IGFL2: variants seen among roughly 807,000 people sequenced by gnomAD.
The protein encoded by IGFL2 is insulin growth factor-like family member 2.
Under a neutral mutation model 13.9 loss-of-function variants are expected in IGFL2, and 7 were observed. The ratio of observed to expected loss-of-function variants is 0.51; its 90% CI spans 0.29 to 0.95. The LOEUF (loss-of-function observed/expected upper bound fraction) is 0.95, where lower values mean the gene tolerates loss of function less well. IGFL2 is among the 40% of genes least tolerant of loss of function. IGFL2 has a pLI of 0.08. For synonymous variants in IGFL2, 55 were observed against 55.8 expected, an observed-to-expected ratio of 0.99 and a Z score of 0.07; for missense variants, 138 against 147.8, an observed-to-expected ratio of 0.93 and a Z score of 0.34.
chr19:46,123,121 A>AT, the IGFL2 span, among the ~76,000 whole-genome samples: 2 of 150,970 alleles, frequency 1.3e-5, no homozygotes, highest in East Asian at 2.0e-4. Flanking sequence ...AGCTACAGGA[A>AT]TTTTTTAATA....
chr19:46,177,387 C>CTATTAA, the IGFL2 span, among the ~76,000 whole-genome samples: 1 of 151,910 alleles, frequency 6.6e-6, no homozygotes, highest in African/African-American at 2.4e-5. Flanking sequence ...AGTGAGACTC[C>CTATTAA]GTCTCAAAAC....
upstream of IGFL2, among the ~76,000 whole-genome samples, chr19:46,147,286 CAGAT>C (rs1973187367): frequency 2.0e-5 from 3 of 152,158 alleles, no homozygotes; most frequent in Admixed American, 1.3e-4. Flanking sequence ...CAAAGTACCT[CAGAT>C]AGGCTGAGGC....
At chr19:46,182,117 C>T in the IGFL2 span, among the ~76,000 whole-genome samples, 1 of 151,844 alleles carries the variant, frequency 6.6e-6, no homozygotes, top group African/African-American at 2.4e-5. Flanking sequence ...ACCTGTAATC[C>T]CAACACTTTG....
the IGFL2 span, chr19:46,207,264 G>T: frequency 6.6e-6 from 1 of 152,124 alleles, no homozygotes; most frequent in Non-Finnish European, 1.5e-5. Flanking sequence ...CCTCGCCATT[G>T]CCACTTTTCT....
chr19:46,115,738 C>G, the IGFL2 span, among the ~76,000 whole-genome samples: 1 of 152,156 alleles, frequency 6.6e-6, no homozygotes, highest in African/African-American at 2.4e-5. Flanking sequence ...CTGCTCTTGA[C>G]ATGGAAAGTT....
At chr19:46,210,657 A>C in the IGFL2 span, among the ~76,000 whole-genome samples, 1 of 152,254 alleles carries the variant, frequency 6.6e-6, no homozygotes, top group East Asian at 1.9e-4. Context: ...TAGCCTTTTC[A>C]CGTTTTTCTT....
At chr19:46,093,962 A>G in the IGFL2 span, among the ~76,000 whole-genome samples, 2 of 152,050 alleles carry the variant, frequency 1.3e-5, no homozygotes, top group African/African-American at 4.8e-5. Flanking sequence ...ATGGACTGGA[A>G]GACTCATTGT....
the IGFL2 span, among the ~76,000 whole-genome samples, chr19:46,109,173 C>T: frequency 4.6e-5 from 7 of 151,932 alleles, no homozygotes; most frequent in African/African-American, 1.5e-4. Flanking sequence ...TGGGCTGAGC[C>T]CAAAAAGAGA....
chr19:46,205,443 A>G, the IGFL2 span, among the ~76,000 whole-genome samples: 1 of 152,194 alleles, frequency 6.6e-6, no homozygotes, highest in African/African-American at 2.4e-5. Context: ...CATTTGCATA[A>G]TAAGATTAGG....
chr19:46,183,249 C>A, the IGFL2 span, among the ~76,000 whole-genome samples: 2 of 152,120 alleles, frequency 1.3e-5, no homozygotes, highest in African/African-American at 4.8e-5. Flanking sequence ...CATGAAGGAA[C>A]CACCCCCATC....
the IGFL2 span, among the ~76,000 whole-genome samples, chr19:46,188,609 C>T: frequency 3.3e-5 from 5 of 152,160 alleles, no homozygotes; most frequent in Non-Finnish European, 5.9e-5. Flanking sequence ...TAGTGTTCCC[C>T]GTGGGTTCTG....
At chr19:46,164,892 T>C (rs1331972249), downstream of IGFL2, among the ~76,000 whole-genome samples, 8 of 152,234 alleles carry the variant, frequency 5.3e-5, no homozygotes, top group Non-Finnish European at 1.5e-5. Flanking sequence ...GGTCCAGGCT[T>C]ATCAAATACT....
the IGFL2 span, among the ~76,000 whole-genome samples, chr19:46,205,984 A>G: frequency 1.3e-5 from 2 of 152,178 alleles, no homozygotes; most frequent in Non-Finnish European, 1.5e-5. Flanking sequence ...GAAGCTGACA[A>G]TATCCAAAAA....
the IGFL2 span, among the ~76,000 whole-genome samples, chr19:46,101,849 G>T: frequency 6.6e-6 from 1 of 152,300 alleles, no homozygotes; most frequent in South Asian, 2.1e-4. Flanking sequence ...TTCACAGGTT[G>T]CACATCCATG....
chr19:46,123,880 C>G, the IGFL2 span: 1 of 1,606,624 alleles, frequency 6.2e-7, no homozygotes, highest in Non-Finnish European at 8.5e-7. Flanking sequence ...AGGTAGGGAC[C>G]TTTACCTGGT....
intron 1 of IGFL2, 101 bp from the exon 2 acceptor site, chr19:46,160,314 A>G (rs1034042621): frequency 3.8e-5 from 38 of 990,968 alleles, no homozygotes; most frequent in Non-Finnish European, 6.0e-5. Flanking sequence ...TTTAGAGCTA[A>G]TCTGGAACTA....
the IGFL2 span, among the ~76,000 whole-genome samples, chr19:46,200,489 C>CTTTTCTTTTCTT: frequency 6.7e-6 from 1 of 148,368 alleles, no homozygotes; most frequent in African/African-American, 2.5e-5. Flanking sequence ...CTTTTCTTTT[C>CTTTTCTTTTCTT]TTTTCTTTTC....
At chr19:46,152,477 T>A (rs1042129130) in intron 1 of IGFL2, among the ~76,000 whole-genome samples, 1 of 152,030 alleles carries the variant, frequency 6.6e-6, no homozygotes, top group Non-Finnish European at 1.5e-5. Context: ...ACAGATGGGG[T>A]CTCGCTATGT....
At chr19:46,158,678 C>G (rs1973960864) in intron 1 of IGFL2, among the ~76,000 whole-genome samples, 1 of 152,126 alleles carries the variant, frequency 6.6e-6, no homozygotes, top group Non-Finnish European at 1.5e-5. Context: ...TCTTGAATAA[C>G]CAAGCTGGCA....
Sources: allele counts gnomAD v4.1 joint callset (sites outside exome capture counted in the v4.1 genomes callset), GRCh38; gene constraint gnomAD v4.1.1; transcripts MANE v1.5; gene names NCBI Gene and HGNC (gene_info 2026-07-23, HGNC 2026-07-21).